Variants in ATP2A2 observed in about 807,000 individuals in gnomAD.
ATP2A2 encodes the protein sarcoplasmic/endoplasmic reticulum calcium ATPase 2.
In ATP2A2, 14 loss-of-function variants were observed where a neutral mutation model predicts 109.3. The ratio of observed to expected loss-of-function variants is 0.13; its 90% CI spans 0.08 to 0.20. The LOEUF (loss-of-function observed/expected upper bound fraction) is 0.20, where lower values mean the gene tolerates loss of function less well. Among genes scored for constraint, ATP2A2 ranks in the 10% least tolerant of loss-of-function variants. ATP2A2 has a pLI of 1.00. For missense variants in ATP2A2, 657 were observed against 1,321.6 expected, an observed-to-expected ratio of 0.50 and a Z score of 7.80; for synonymous variants, 506 against 490.9, an observed-to-expected ratio of 1.03 and a Z score of -0.41.
chr12:110,287,200 C>G (rs1243330996), intron 3 of ATP2A2, among the ~76,000 whole-genome samples: 3 of 152,086 alleles, frequency 2.0e-5, no homozygotes, highest in Admixed American at 1.3e-4. Flanking sequence ...TTGCAGTGAG[C>G]CGAGATTGCG....
chr12:110,313,338 G>T (rs973015240), intron 5 of ATP2A2, among the ~76,000 whole-genome samples: 1 of 124,570 alleles, frequency 8.0e-6, no homozygotes, highest in African/African-American at 3.1e-5. Flanking sequence ...TTTTTGATAC[G>T]GAGTCGCTCT....
rs1242024273 is a variant in ATP2A2 at position 110,350,419 on chromosome 12, T to C, written c.*3949T>C. ...GACTGATGTTGGGGAAAAAGAAAAG[T>C]AAAAAACTTCCCAACTCACTTTGTG... On this transcript the variant is annotated 3_prime_UTR_variant, in exon 20 of 20. Coordinates refer to ENST00000539276, the MANE Select transcript of ATP2A2 (RefSeq NM_170665.4). The C allele has an allele frequency of 3.9e-6, 6 of 1,556,210 alleles. No individual in the cohort carries two copies. Among genetic ancestry groups the C allele is most frequent in the Non-Finnish European group, 5.3e-6 (6 of 1,130,246 alleles).
At chr12:110,315,155 C>T (rs1876535560) in intron 5 of ATP2A2, among the ~76,000 whole-genome samples, 2 of 152,274 alleles carry the variant, frequency 1.3e-5, no homozygotes, top group African/African-American at 2.4e-5. Context: ...CGTGAGCCAT[C>T]GCGCCCGGCA....
chr12:110,292,809 G>A (rs775445024), intron 4 of ATP2A2, among the ~76,000 whole-genome samples: 6 of 152,036 alleles, frequency 3.9e-5, no homozygotes, highest in Non-Finnish European at 5.9e-5. Context: ...CATTCTTTAC[G>A]GTAGCAAGGA....
At chr12:110,326,595 G>A in intron 7 of ATP2A2, 120 bp downstream of exon 7, 1 of 1,029,128 alleles carries the variant, frequency 9.7e-7, no homozygotes, top group Non-Finnish European at 1.5e-6. Context: ...CACTTTTCAT[G>A]GTCAGTCTTA....
chr12:110,296,374 G>T (rs1873962319), intron 4 of ATP2A2: 1 of 554,920 alleles, frequency 1.8e-6, no homozygotes, highest in South Asian at 2.0e-5. Flanking sequence ...TTTCCTCATT[G>T]TTTTATCCCC....
Position 110,328,013 on chromosome 12 carries a change from G to A in ATP2A2, c.1091G>A (p.Cys364Tyr). Residue 364 changes from cysteine (C) to tyrosine (Y), a missense_variant, in exon 8 of 20, where the codon TGC (cysteine) becomes TAC (tyrosine). Around this residue, in one of 9 missense-constraint regions of ATP2A2, gnomAD observed 46 missense variants for 62.0 expected, o/e 0.74. Coordinates refer to ENST00000539276, the MANE Select transcript of ATP2A2 (RefSeq NM_170665.4). ...CTTACAACAAACCAGATGTCAGTCT[G>A]CAGGGTAAGAGGAGTAATTTAGAAT... ...GTLTTNQMSV[C>Y]RMFILDRVEG... 1.2e-6 allele frequency: 2 copies of A among 1,612,842 alleles called. No homozygotes were observed. Among genetic ancestry groups the A allele is most frequent in the Non-Finnish European group, 1.7e-6 (2 of 1,179,342 alleles).
In ATP2A2 at chr12:110,327,927, C is replaced by T. The variant is rs1450580216; in HGVS notation, c.1005C>T (p.Ser335=). 6.2e-7 allele frequency: 1 copy of T among 1,614,124 alleles called. No individual in the cohort carries two copies. Among genetic ancestry groups the T allele is most frequent in the East Asian group, 2.2e-5 (1 of 44,886 alleles). ...CAAAGAAAAATGCCATTGTTCGAAG[C>T]CTCCCGTCTGTGGAAACCCTTGGTT... is the stretch of plus-strand genomic sequence containing the variant. ...RMAKKNAIVR[S]LPSVETLGCT... is the part of the protein sequence containing the mutation. The change falls in exon 8 of 20, where the codon AGC becomes AGT. Residue 335 remains serine (S), a synonymous_variant. Coordinates refer to ENST00000539276, the MANE Select transcript of ATP2A2 (RefSeq NM_170665.4). The surrounding 1 kb of genome is among the most constrained non-coding windows in gnomAD (Gnocchi z 4.4).
rs541007436 is a variant in ATP2A2 at position 110,339,172 on chromosome 12, T to C, written c.1420-109T>C. On this transcript the variant is annotated intron_variant, in intron 11 of 19. Coordinates refer to ENST00000539276, the MANE Select transcript of ATP2A2 (RefSeq NM_170665.4). The surrounding 1 kb of genome is among the most constrained non-coding windows in gnomAD (Gnocchi z 4.4). ...AGGGCAAAAACCTGTCTGTTTTGTT[T>C]ATTGCTATATTCCTAGCATCTGTCA... The C allele has an allele frequency of 7.8e-5, 114 of 1,464,110 alleles. 1 individual carries two copies. The African/African-American group carries it at 1.3e-3, about 16-fold the overall frequency. 90.7% of individuals were successfully genotyped at this position (1,464,110 alleles called of 1,614,324 possible). A position where few individuals can be genotyped will look rare whatever the true frequency, so the allele number is the denominator to read the frequency against.
At chr12:110,309,722 A>G (rs952307476) in intron 5 of ATP2A2, among the ~76,000 whole-genome samples, 2 of 152,078 alleles carry the variant, frequency 1.3e-5, no homozygotes, top group Non-Finnish European at 2.9e-5. Context: ...CCTGGGCAAC[A>G]TAGTAAAACC....
Position 110,281,927 on chromosome 12 carries a change from C to T in ATP2A2, c.118+20C>T, listed in dbSNP as rs775795478. 22 of 1,550,906 alleles carry T rather than the reference C, an allele frequency of 1.4e-5. No homozygotes were observed. The highest frequency in any genetic ancestry group is 2.5e-5 in the East Asian group (1 of 40,032). On this transcript the variant is annotated intron_variant, in intron 1 of 19. Transcript: ENST00000539276. Reference sequence around the variant, plus strand: ...CCAACGGTAGGTGCAGGGCGCTCCGCTGCAGGGGCCCGGCGCGGCCGGGAG... The same window carrying T: ...CCAACGGTAGGTGCAGGGCGCTCCGTTGCAGGGGCCCGGCGCGGCCGGGAG...
chr12:110,319,085 C>T (rs1163321708), intron 5 of ATP2A2, among the ~76,000 whole-genome samples: 6 of 151,922 alleles, frequency 3.9e-5, no homozygotes, highest in East Asian at 1.9e-4. Context: ...GGCACATGCC[C>T]GTAGTCCTAG....
Position 110,347,498 on chromosome 12 carries a change from T to C in ATP2A2, c.*1028T>C. 7.8e-7 allele frequency: 1 copy of C among 1,289,148 alleles called. No homozygotes were observed. Among genetic ancestry groups the C allele is most frequent in the South Asian group, 1.2e-5 (1 of 81,016 alleles). The allele number at this position is 1,289,148 out of a possible 1,614,324, so 79.9% of individuals were successfully genotyped here. A position where few individuals can be genotyped will look rare whatever the true frequency, so the allele number is the denominator to read the frequency against. On this transcript the variant is annotated 3_prime_UTR_variant, in exon 20 of 20. Coordinates refer to ENST00000539276, the MANE Select transcript of ATP2A2 (RefSeq NM_170665.4). ...GTATTCTTAATGTACAGGCACTAAT[T>C]GTCATCTGTGATGTACATTTTATGC...
chr12:110,285,993 G>A (rs12820398), intron 3 of ATP2A2, among the ~76,000 whole-genome samples: 2,831 of 150,304 alleles, frequency 0.019, 48 homozygotes, highest in Non-Finnish European at 0.027. Flanking sequence ...GTGCAATCTC[G>A]GCTCACTGCA....
chr12:110,304,877 T>C (rs1875097613), intron 5 of ATP2A2, among the ~76,000 whole-genome samples: 1 of 152,176 alleles, frequency 6.6e-6, no homozygotes, highest in Non-Finnish European at 1.5e-5. Context: ...CCAGGCGTCG[T>C]GGCTCATACC....
chr12:110,345,943 C>G, intron 18 of ATP2A2, 58 bp from the exon 19 acceptor site: 5 of 1,535,044 alleles, frequency 3.3e-6, no homozygotes, highest in Non-Finnish European at 4.5e-6. Flanking sequence ...GTCTTACTGC[C>G]ACTGTGACAC....
chr12:110,340,820 C>T lies in ATP2A2; in HGVS notation c.1923C>T (p.Phe641=), dbSNP rs779387152. The change falls in exon 14 of 20, where the codon TTC becomes TTT. Residue 641 remains phenylalanine (F), a synonymous_variant. Coordinates refer to ENST00000539276, the MANE Select transcript of ATP2A2 (RefSeq NM_170665.4). The surrounding 1 kb of genome is among the most constrained non-coding windows in gnomAD (Gnocchi z 6.0). ...CCATCTGTCGCCGCATCGGCATCTT[C>T]GGGCAGGATGAGGACGTGACGTCAA... The part of the protein sequence containing the change: ...AVAICRRIGI[F]GQDEDVTSKA... 11 of 1,614,080 alleles carry T rather than the reference C, an allele frequency of 6.8e-6. No homozygotes were observed. Among genetic ancestry groups the T allele is most frequent in the Admixed American group, 1.7e-5 (1 of 60,004 alleles).
upstream of ATP2A2, chr12:110,281,233 G>A (rs1872040514): frequency 6.6e-6 from 1 of 151,144 alleles, no homozygotes; most frequent in Admixed American, 6.6e-5. Context: ...GGGAGGCAGC[G>A]GCCGATAAAT....
intron 8 of ATP2A2, chr12:110,329,321 T>G (rs907958592): frequency 1.3e-5 from 2 of 152,284 alleles, no homozygotes; most frequent in Non-Finnish European, 2.9e-5. Context: ...GCTGTTTAGT[T>G]GACCGTGGAT....
Sources: allele counts gnomAD v4.1 joint callset (sites outside exome capture counted in the v4.1 genomes callset), GRCh38; gene constraint gnomAD v4.1.1; regional missense constraint gnomAD v4.1.1; non-coding constraint Gnocchi (gnomAD v3.1); transcripts MANE v1.5; gene names NCBI Gene and HGNC (gene_info 2026-07-23, HGNC 2026-07-21).